The following RC3H1 variants were observed in gnomAD, a reference collection of about 807,000 sequenced individuals.
RC3H1 encodes the protein ring finger and CCCH-type domains 1.
In RC3H1, 50 loss-of-function variants were observed where a neutral mutation model predicts 138.2. The ratio of observed to expected loss-of-function variants is 0.36; its 90% confidence interval spans 0.29 to 0.46. The LOEUF (loss-of-function observed/expected upper bound fraction) is 0.46, where lower values mean the gene tolerates loss of function less well. Ranked by LOEUF, RC3H1 falls within the 20% of genes least tolerant of loss-of-function variation. The pLI is 1.00. For synonymous variants in RC3H1, 462 were observed against 489.1 expected (o/e 0.94, Z 0.73); for missense variants, 1,031 against 1,388.1 (o/e 0.74, Z 4.09).
At chr1:173,965,774 A>G (rs933838720) in intron 9 of RC3H1, among the ~76,000 whole-genome samples, 4 of 152,204 alleles carry the variant, frequency 2.6e-5, no homozygotes, top group Non-Finnish European at 4.4e-5. Context: ...CAATGAGCCA[A>G]TGTTAAAAAA....
intron 8 of RC3H1, among the ~76,000 whole-genome samples, chr1:173,970,879 G>C (rs1310619205): frequency 6.6e-6 from 1 of 150,696 alleles, no homozygotes; most frequent in Non-Finnish European, 1.5e-5. Context: ...ATAAATTCTT[G>C]AATAAATCTC....
rs375789674 is a variant in RC3H1 at position 173,941,337 on chromosome 1, C to A, written c.3179G>T (p.Ser1060Ile). ...TGGTTGTCCATTTTCTGCTTGTTTACTTGTATTCAGTTTGCTTTTCATGTC... is the reference window on the plus strand; with the variant it reads ...TGGTTGTCCATTTTCTGCTTGTTTAATTGTATTCAGTTTGCTTTTCATGTC... ...SLDMKSKLNT[S>I]KQAENGQPEP... The change falls in exon 19 of 20, where the codon AGT (serine) becomes ATT (isoleucine). Residue 1060 changes from serine to isoleucine, a missense_variant. Ser to Ile is a moderately radical substitution (Grantham distance 142). This residue lies in a region of RC3H1 where 716 missense variants were observed against 837.9 expected (regional missense o/e 0.85). Coordinates refer to ENST00000367696, the MANE Select transcript of RC3H1 (RefSeq NM_172071.4). 1.2e-6 allele frequency: 2 copies of A among 1,613,804 alleles called. No individual in the cohort carries two copies.
chr1:173,996,291 A>C (rs951297558), intron 1 of RC3H1, among the ~76,000 whole-genome samples: 8 of 152,186 alleles, frequency 5.3e-5, no homozygotes, highest in African/African-American at 1.9e-4. Flanking sequence ...TTAAGTAAAA[A>C]AAAAAGCCTT....
Position 173,936,749 on chromosome 1 carries a change from ATATATATATATATTTTTTTT to A in RC3H1, c.*1952_*1971del. 1.8e-5 allele frequency: 1 copy of A among 55,770 alleles called. No individual in the cohort carries two copies. The highest frequency in any genetic ancestry group is 0.011 in the Middle Eastern group (1 of 88). 3.5% of individuals were successfully genotyped at this position (55,770 alleles called of 1,614,324 possible). A position where few individuals can be genotyped will look rare whatever the true frequency, so the allele number is the denominator to read the frequency against. ...AGCATACATATATATATATATATAT[ATATATATATATATTTTTTTT>A]TTTTTTTTTAAAAAAAGAAGACAAA... On this transcript the variant is annotated 3_prime_UTR_variant, in exon 20 of 20. Transcript: ENST00000367696.
intron 14 of RC3H1, among the ~76,000 whole-genome samples, chr1:173,948,672 T>C (rs991835373): frequency 7.9e-5 from 12 of 152,088 alleles, no homozygotes; most frequent in African/African-American, 2.9e-4. Context: ...TGTGTGAGCC[T>C]CAACCTCCTG....
chr1:173,939,089 T>C (rs1164588380), intron 19 of RC3H1, among the ~76,000 whole-genome samples: 1 of 152,134 alleles, frequency 6.6e-6, no homozygotes. Flanking sequence ...ACTAAAGTTT[T>C]ATTGGAATAT....
intron 14 of RC3H1, among the ~76,000 whole-genome samples, chr1:173,951,579 C>CA (rs1217831357): frequency 1.3e-5 from 2 of 151,774 alleles, no homozygotes; most frequent in Non-Finnish European, 2.9e-5. Context: ...CTCGCTTTGT[C>CA]ACCCAGGCTG....
At position 173,952,102 on chromosome 1, in the gene RC3H1, T is replaced by C; in HGVS notation, c.2407A>G (p.Lys803Glu). 6.3e-7 allele frequency: 1 copy of C among 1,590,284 alleles called. No homozygotes were observed. Among genetic ancestry groups the C allele is most frequent in the Non-Finnish European group, 8.6e-7 (1 of 1,167,856 alleles). Residue 803 changes from lysine (K) to glutamate (E), a missense_variant, in exon 14 of 20, where the codon AAA becomes GAA. Transcript: ENST00000367696. Reference sequence around the variant, plus strand: ...GAGTATTGGCTATAATCATTTCCTTTGTATTTCCCAGCTACCTTCAAGTCT... The same window carrying C: ...GAGTATTGGCTATAATCATTTCCTTCGTATTTCCCAGCTACCTTCAAGTCT... Reference protein sequence around the residue: ...DEDLKVAGKYKGNDYSQYSPW... With the variant: ...DEDLKVAGKYEGNDYSQYSPW...
rs558506075 is a variant in RC3H1, at chr1:173,981,909, A to C, written c.768+818T>G. On this transcript the variant is annotated intron_variant, in intron 5 of 19. Coordinates refer to ENST00000367696, the MANE Select transcript of RC3H1 (RefSeq NM_172071.4). Reference sequence around the variant, plus strand: ...AGCAAGACTGCATCTCAAAAAAAAAAGTCAGAAAAATAATACTGGATGTAC... The same window carrying C: ...AGCAAGACTGCATCTCAAAAAAAAACGTCAGAAAAATAATACTGGATGTAC... Among the ~76,000 whole-genome samples, 245 of 152,088 alleles carry C rather than the reference A, an allele frequency of 1.6e-3. 1 individual carries two copies. Among genetic ancestry groups the C allele is most frequent in the African/African-American group, 5.8e-3 (239 of 41,492 alleles).
chr1:174,021,682 T>C (rs745469425), intron 1 of RC3H1, among the ~76,000 whole-genome samples: 2 of 152,050 alleles, frequency 1.3e-5, no homozygotes, highest in Non-Finnish European at 2.9e-5. Flanking sequence ...GCGGCGCCTG[T>C]TTACAGACGC....
intron 18 of RC3H1, among the ~76,000 whole-genome samples, 166 bp downstream of exon 18, chr1:173,943,276 A>T (rs772875225): frequency 6.6e-6 from 1 of 152,240 alleles, no homozygotes; most frequent in African/African-American, 2.4e-5. Flanking sequence ...AGAATGAGGA[A>T]GGGAATGATA....
At chr1:173,996,757 T>A (rs1661468673) in intron 1 of RC3H1, among the ~76,000 whole-genome samples, 1 of 152,126 alleles carries the variant, frequency 6.6e-6, no homozygotes, top group Non-Finnish European at 1.5e-5. Context: ...TCCCTCTCCA[T>A]CGCCCCATAA....
chr1:173,953,110 A>C (rs1659488074), intron 13 of RC3H1, among the ~76,000 whole-genome samples: 1 of 152,064 alleles, frequency 6.6e-6, no homozygotes, highest in South Asian at 2.1e-4. Context: ...GCTGCTCACT[A>C]ATATCACTCA....
In RC3H1 at chr1:173,972,361, G is replaced by A. The variant is rs1444041109; in HGVS notation, c.1221+148C>T. ...TGCAGTAAACTGTTAACCATGCCAA[G>A]GTAATTTACAGTTTCTATACTCAGA... On this transcript the variant is annotated intron_variant, in intron 8 of 19. Transcript: ENST00000367696. 6.7e-6 allele frequency: 4 copies of A among 594,216 alleles called. No homozygotes were observed. The African/African-American group carries it at 7.4e-5, about 11-fold the overall frequency. 36.8% of individuals were successfully genotyped at this position (594,216 alleles called of 1,614,324 possible).
intron 13 of RC3H1, among the ~76,000 whole-genome samples, chr1:173,959,495 GC>G (rs1659777738): frequency 6.6e-6 from 1 of 152,132 alleles, no homozygotes; most frequent in Admixed American, 6.6e-5. Flanking sequence ...TCTCAGCCAG[GC>G]GCGGTGGCTC....
intron 14 of RC3H1, among the ~76,000 whole-genome samples, chr1:173,950,025 C>T (rs1404192433): frequency 3.3e-5 from 5 of 151,778 alleles, no homozygotes; most frequent in African/African-American, 1.2e-4. Flanking sequence ...AAAAATTAGC[C>T]GGGCATGGTG....
chr1:173,951,071 T>A (rs973323649), intron 14 of RC3H1, among the ~76,000 whole-genome samples: 2 of 152,100 alleles, frequency 1.3e-5, no homozygotes, highest in African/African-American at 2.4e-5. Flanking sequence ...ACGCCTGTAA[T>A]CCCAGCACTT....
Position 173,984,574 on chromosome 1 carries a change from T to C in RC3H1, c.277A>G (p.Thr93Ala), listed in dbSNP as rs763389695. 1.9e-6 allele frequency: 3 copies of C among 1,614,094 alleles called. No homozygotes were observed. The highest frequency in any genetic ancestry group is 1.7e-5 in the Admixed American group (1 of 60,022). The change falls in exon 3 of 20, where the codon ACA becomes GCA. Residue 93 changes from threonine (T) to alanine (A), a missense_variant. Coordinates refer to ENST00000367696, the MANE Select transcript of RC3H1 (RefSeq NM_172071.4). ...PITLCSGVED[T>A]KHYEEAKKCV... ...TTCTTGGCTTCCTCATAATGCTTTG[T>C]GTCTTCAACCCCACTACACAAAGTA...
intron 12 of RC3H1, 141 bp downstream of exon 12, chr1:173,961,584 T>C (rs1398385493): frequency 2.3e-6 from 2 of 887,230 alleles, no homozygotes; most frequent in Non-Finnish European, 3.3e-6. Context: ...AATACCCAAA[T>C]TATGAAAAGA....
Sources: gnomAD v4.1 joint callset for allele counts (sites outside exome capture counted in the v4.1 genomes callset) on GRCh38, gnomAD v4.1.1 for gene constraint, gnomAD v4.1.1 regional missense constraint, MANE v1.5 for transcripts, NCBI Gene and HGNC (gene_info 2026-07-23, HGNC 2026-07-21) for gene names.